The following CPN1 variants were observed in gnomAD, a reference collection of about 807,000 sequenced individuals.
CPN1 encodes the protein carboxypeptidase N subunit 1.
A neutral mutation model predicts 46.4 loss-of-function variants in CPN1; 37 were observed. The ratio of observed to expected loss-of-function variants is 0.80; its 90% CI spans 0.61 to 1.05. The LOEUF (loss-of-function observed/expected upper bound fraction) is 1.05. Ranked by LOEUF, CPN1 falls within the 50% of genes least tolerant of loss-of-function variation. The pLI is 0.00. For missense variants in CPN1, 563 were observed against 602.6 expected, an observed-to-expected ratio of 0.93 and a Z score of 0.69; for synonymous variants, 224 against 235.4, an observed-to-expected ratio of 0.95 and a Z score of 0.44.
At chr10:100,065,950 G>GTT (rs199596870) in intron 3 of CPN1, among the ~76,000 whole-genome samples, 26 of 145,522 alleles carry the variant, frequency 1.8e-4, no homozygotes, top group African/African-American at 4.5e-4. Flanking sequence ...AGAGAGAGAA[G>GTT]TTTTTTTTTT....
chr10:100,060,092 G>A (rs1045453073), intron 5 of CPN1, among the ~76,000 whole-genome samples: 2 of 152,112 alleles, frequency 1.3e-5, no homozygotes, highest in Non-Finnish European at 2.9e-5. Flanking sequence ...CTGGGGTAAG[G>A]GGAAATGGAG....
At chr10:100,066,184 C>T (rs1033291725) in intron 3 of CPN1, among the ~76,000 whole-genome samples, 1 of 152,068 alleles carries the variant, frequency 6.6e-6, no homozygotes, top group Non-Finnish European at 1.5e-5. Flanking sequence ...TTGAGCTCCT[C>T]AAGCAATGTG....
intron 1 of CPN1, among the ~76,000 whole-genome samples, chr10:100,080,162 G>C (rs2041536463): frequency 6.6e-6 from 1 of 152,166 alleles, no homozygotes; most frequent in African/African-American, 2.4e-5. Context: ...ATGGAGTCTG[G>C]ACTTGGGCAG....
chr10:100,076,000 TC>T lies in CPN1; in HGVS notation c.330del (p.Asn111ThrfsTer19). 6.2e-7 allele frequency: 1 copy of T among 1,614,148 alleles called. No individual in the cohort carries two copies. The highest frequency in any genetic ancestry group is 2.2e-5 in the East Asian group (1 of 44,880). ...SEFLCEEFRN[R>X]NQRIVQLIQD... ...TGGATGAGCTGGACGATGCGCTGGTTCCTGTTCCGGAACTCCTCGCACAGAA... is the reference window on the plus strand; with the variant it reads ...TGGATGAGCTGGACGATGCGCTGGTTCTGTTCCGGAACTCCTCGCACAGAA... On this transcript the variant is annotated frameshift_variant, in exon 2 of 9. Coordinates refer to ENST00000370418, the MANE Select transcript of CPN1 (RefSeq NM_001308.3). LOFTEE classifies it high-confidence loss of function.
At position 100,042,552 on chromosome 10, in the gene CPN1, T is replaced by G. The variant is rs1486685422; in HGVS notation, c.1252A>C (p.Ser418Arg). The G allele has an allele frequency of 6.8e-6, 11 of 1,614,038 alleles. No homozygotes were observed. Among genetic ancestry groups the G allele is most frequent in the Non-Finnish European group, 9.3e-6 (11 of 1,180,022 alleles). The stretch of plus-strand genomic sequence containing the variant: ...CTCACAGGGCTTACTTGAGGGATGC[T>G]TCTTTTGAGGTGGAAGTTAACCTGG... ...PTLVNFHLKR[S>R]IPQVSPVRRA... Residue 418 changes from serine to arginine, a missense_variant, in exon 9 of 9, where the codon AGC (serine) becomes CGC (arginine). Coordinates refer to ENST00000370418, the MANE Select transcript of CPN1 (RefSeq NM_001308.3).
At chr10:100,078,018 C>A (rs546066050) in intron 1 of CPN1, among the ~76,000 whole-genome samples, 8 of 152,158 alleles carry the variant, frequency 5.3e-5, no homozygotes, top group Admixed American at 1.3e-4. Context: ...ATGGCAGATT[C>A]TTTTGGCTCT....
chr10:100,080,922 T>G (rs1157264191), intron 1 of CPN1, among the ~76,000 whole-genome samples: 16 of 151,830 alleles, frequency 1.1e-4, no homozygotes, highest in Admixed American at 1.0e-3. Context: ...AAGAATCCAG[T>G]AAATAAAACT....
intron 7 of CPN1, among the ~76,000 whole-genome samples, chr10:100,052,088 T>C (rs1442895486): frequency 6.7e-6 from 1 of 150,178 alleles, no homozygotes; most frequent in East Asian, 2.0e-4. Flanking sequence ...TTTTTTTTTT[T>C]GAGACAGAGT....
At chr10:100,056,903 A>T (rs746044272) in intron 6 of CPN1, 110 bp downstream of exon 6, 37 of 1,345,730 alleles carry the variant, frequency 2.7e-5, no homozygotes, top group African/African-American at 4.3e-5. Flanking sequence ...GCCCAGATCT[A>T]TTGGACTGAG....
chr10:100,051,092 G>T (rs2041350141), intron 7 of CPN1, among the ~76,000 whole-genome samples: 1 of 152,106 alleles, frequency 6.6e-6, no homozygotes, highest in South Asian at 2.1e-4. Flanking sequence ...TTCAAAAGAA[G>T]CCTGTTTTTC....
At chr10:100,071,264 G>A (rs978258411) in intron 2 of CPN1, among the ~76,000 whole-genome samples, 1 of 152,144 alleles carries the variant, frequency 6.6e-6, no homozygotes, top group Non-Finnish European at 1.5e-5. Flanking sequence ...CCACAAACTA[G>A]GTGGTTTATA....
intron 7 of CPN1, among the ~76,000 whole-genome samples, chr10:100,052,673 C>A (rs1240189586): frequency 2.0e-5 from 3 of 151,626 alleles, no homozygotes; most frequent in Non-Finnish European, 4.4e-5. Context: ...CGAGACCAGC[C>A]TGGACAACAG....
chr10:100,067,603 TA>T (rs1432582876), intron 3 of CPN1, among the ~76,000 whole-genome samples: 6 of 152,220 alleles, frequency 3.9e-5, no homozygotes, highest in Non-Finnish European at 8.8e-5. Context: ...TCTCTAAATT[TA>T]GACATTCACA....
intron 7 of CPN1, 108 bp downstream of exon 7, chr10:100,054,239 C>G (rs2041372352): frequency 3.5e-6 from 3 of 858,324 alleles, no homozygotes; most frequent in Non-Finnish European, 6.0e-6. Flanking sequence ...TCCCAGCATC[C>G]TTGACACCCC....
rs2041373676 is a variant in CPN1 at position 100,054,464 on chromosome 10, T to C, written c.1012-18A>G. On this transcript the variant is annotated intron_variant, in intron 6 of 8. Transcript: ENST00000370418. ...TGGTGAACCTGCAGGAACAAGTATA[T>C]AGTTATGATCATAAAACATTTGTAC... 2 of 1,582,998 alleles carry C rather than the reference T, an allele frequency of 1.3e-6. No individual in the cohort carries two copies. Among genetic ancestry groups the C allele is most frequent in the African/African-American group, 1.3e-5 (1 of 74,344 alleles).
intron 6 of CPN1, among the ~76,000 whole-genome samples, chr10:100,054,760 C>T (rs906351591): frequency 7.9e-5 from 12 of 152,012 alleles, no homozygotes; most frequent in Non-Finnish European, 1.8e-4. Context: ...CTCTCTGATC[C>T]CATCTCCAAC....
intron 2 of CPN1, among the ~76,000 whole-genome samples, chr10:100,071,725 A>G (rs2041486809): frequency 6.6e-6 from 1 of 152,256 alleles, no homozygotes; most frequent in Non-Finnish European, 1.5e-5. Context: ...TTCCTTAAAC[A>G]GTACATTATA....
chr10:100,064,333 T>C (rs1363152313), intron 4 of CPN1, among the ~76,000 whole-genome samples: 3 of 149,878 alleles, frequency 2.0e-5, no homozygotes, highest in Non-Finnish European at 4.4e-5. Flanking sequence ...CTTAATATCA[T>C]TAATGTTTAT....
chr10:100,050,651 G>T (rs532294095), intron 7 of CPN1, among the ~76,000 whole-genome samples: 64 of 152,182 alleles, frequency 4.2e-4, no homozygotes, highest in Admixed American at 4.2e-3. Context: ...TTGAGATAGG[G>T]TCTCATTCTG....
Sources: allele counts gnomAD v4.1 joint callset (sites outside exome capture counted in the v4.1 genomes callset), GRCh38; gene constraint gnomAD v4.1.1; transcripts MANE v1.5; gene names NCBI Gene and HGNC (gene_info 2026-07-23, HGNC 2026-07-21).